FANCD2: variants seen among roughly 807,000 people sequenced by gnomAD.
FANCD2 encodes the protein FA complementation group D2.
FANCD2 carries 131 observed loss-of-function variants against 192.3 expected under a neutral mutation model. That is an observed-to-expected ratio of 0.68 (90% CI 0.59 to 0.79). The LOEUF is 0.79. Among genes scored for constraint, FANCD2 ranks in the 30% least tolerant of loss-of-function variants. FANCD2 has a pLI of 0.00. For synonymous variants in FANCD2, 524 were observed against 612.5 expected (o/e 0.86, Z 2.13); for missense variants, 1,508 against 1,701.6 (o/e 0.89, Z 2.00).
intron 2 of FANCD2, chr3:10,032,368 C>A: frequency 2.8e-6 from 1 of 351,204 alleles, no homozygotes; most frequent in Non-Finnish European, 5.5e-6. Flanking sequence ...ATAGCCTCAA[C>A]CTCCTGGGCT....
At chr3:10,046,274 C>T (rs1173743994) in intron 14 of FANCD2, among the ~76,000 whole-genome samples, 1 of 150,884 alleles carries the variant, frequency 6.6e-6, no homozygotes, top group East Asian at 2.0e-4. Context: ...AGGATGGTCT[C>T]GATCTCCTGA....
intron 17 of FANCD2, among the ~76,000 whole-genome samples, chr3:10,051,328 C>T (rs1264689448): frequency 1.5e-5 from 2 of 136,878 alleles, no homozygotes; most frequent in Non-Finnish European, 3.1e-5. Flanking sequence ...TTGCAGTGAG[C>T]CGAGATCCCG....
chr3:10,034,409 T>G, intron 3 of FANCD2, 60 bp from the exon 4 acceptor site: 1 of 1,220,660 alleles, frequency 8.2e-7, no homozygotes, highest in Non-Finnish European at 1.2e-6. Context: ...AAACTTGGGT[T>G]TTTAGAGAAG....
chr3:10,089,013 T>C, intron 36 of FANCD2, 63 bp downstream of exon 36: 1 of 1,582,284 alleles, frequency 6.3e-7, no homozygotes, highest in Non-Finnish European at 8.7e-7. Flanking sequence ...CTGGGCACGG[T>C]GGCACACACC....
At chr3:10,070,254 C>T (rs1693130637) in intron 26 of FANCD2, among the ~76,000 whole-genome samples, 1 of 145,684 alleles carries the variant, frequency 6.9e-6, no homozygotes, top group Non-Finnish European at 1.5e-5. Context: ...AGTGAGGAGT[C>T]CCTCCGCCCG....
chr3:10,099,059 T>C, intron 43 of FANCD2: 1 of 1,581,746 alleles, frequency 6.3e-7, no homozygotes, highest in Non-Finnish European at 8.6e-7. Flanking sequence ...GTTGACAATT[T>C]TCTGCATTAT....
chr3:10,042,454 A>G (rs2124990958), intron 10 of FANCD2, 105 bp from the exon 11 acceptor site: 2 of 945,196 alleles, frequency 2.1e-6, no homozygotes, highest in Non-Finnish European at 1.7e-6. Flanking sequence ...AAGTGGGAAG[A>G]TGGAGTAAGA....
At chr3:10,091,490 A>G (rs1422229404) in intron 37 of FANCD2, among the ~76,000 whole-genome samples, 2 of 151,902 alleles carry the variant, frequency 1.3e-5, no homozygotes, top group African/African-American at 4.8e-5. Flanking sequence ...AAAAAAAAGA[A>G]AAAACATATA....
chr3:10,071,125 T>TA (rs35134252), intron 26 of FANCD2, among the ~76,000 whole-genome samples: 91 of 77,880 alleles, frequency 1.2e-3, no homozygotes, highest in Middle Eastern at 0.016. Context: ...GAATGATCGA[T>TA]AAAAAAAAAA....
Position 10,093,279 on chromosome 3 carries a change from C to A in FANCD2, c.3850-6C>A. ...AGCCTTGGTTTCTTGTCTTTCACCT[C>A]TCCAGGTATTTGATAGTCATCCTGT... On this transcript the variant is annotated splice_polypyrimidine_tract_variant and splice_region_variant and intron_variant, in intron 38 of 43. Coordinates refer to ENST00000675286, the MANE Select transcript of FANCD2 (RefSeq NM_001018115.3). 2.5e-6 allele frequency: 4 copies of A among 1,612,932 alleles called. No homozygotes were observed. Among genetic ancestry groups the A allele is most frequent in the Non-Finnish European group, 3.4e-6 (4 of 1,178,888 alleles).
chr3:10,045,148 T>C (rs556032632), intron 14 of FANCD2, among the ~76,000 whole-genome samples: 8 of 150,930 alleles, frequency 5.3e-5, no homozygotes, highest in African/African-American at 2.0e-4. Flanking sequence ...CCCAATGTTT[T>C]CTCTTTTTTT....
At chr3:10,037,211 G>A (rs2086754257) in intron 7 of FANCD2, among the ~76,000 whole-genome samples, 1 of 152,086 alleles carries the variant, frequency 6.6e-6, no homozygotes, top group Non-Finnish European at 1.5e-5. Flanking sequence ...AGTTTACAAA[G>A]AAGAAATACA....
chr3:10,060,674 A>G (rs539997814), intron 19 of FANCD2, among the ~76,000 whole-genome samples: 60 of 152,344 alleles, frequency 3.9e-4, no homozygotes, highest in Non-Finnish European at 6.9e-4. Context: ...ACAAAATGGG[A>G]ACCCTGATTC....
At chr3:10,067,127 T>A (rs924206266) in intron 25 of FANCD2, 82 bp from the exon 26 acceptor site, 13 of 896,388 alleles carry the variant, frequency 1.5e-5, no homozygotes, top group African/African-American at 5.0e-5. Context: ...TTCATAGACA[T>A]CTCTCAGCTC....
intron 3 of FANCD2, 101 bp from the exon 4 acceptor site, chr3:10,034,368 G>T: frequency 2.2e-5 from 15 of 696,524 alleles, no homozygotes; most frequent in Non-Finnish European, 3.4e-5. Flanking sequence ...AAATTAGGTT[G>T]AAAATATTTT....
intron 28 of FANCD2, among the ~76,000 whole-genome samples, chr3:10,073,753 C>T (rs1693382083): frequency 6.6e-6 from 1 of 152,098 alleles, no homozygotes; most frequent in Admixed American, 6.6e-5. Context: ...TGTTGATCAG[C>T]CACCATTTAT....
At position 10,046,548 on chromosome 3, in the gene FANCD2, T is replaced by C. The variant is rs753982841; in HGVS notation, c.1135-32T>C. ...AGCAAATGTACTGATTTGTTAACTG[T>C]TTTTCTGTTGTTGCATATTTATTGA... On this transcript the variant is annotated intron_variant, in intron 14 of 43. Transcript: ENST00000675286. 3.1e-6 allele frequency: 5 copies of C among 1,613,692 alleles called. No individual in the cohort carries two copies. In the Admixed American group the frequency reaches 6.7e-5, roughly 22 times the overall value.
At chr3:10,045,977 ATCTT>A (rs2086994542) in intron 14 of FANCD2, among the ~76,000 whole-genome samples, 1 of 151,570 alleles carries the variant, frequency 6.6e-6, no homozygotes, top group Admixed American at 6.6e-5. Context: ...AAGTGATTGA[ATCTT>A]TCTTTTAATA....
At chr3:10,040,707 ATTT>A (rs762172462) in intron 9 of FANCD2, 4 of 364,136 alleles carry the variant, frequency 1.1e-5, no homozygotes, top group East Asian at 7.7e-5. Flanking sequence ...TACTAGAAGT[ATTT>A]TTTTTAAATT....
Sources: gnomAD v4.1 joint callset for allele counts (sites outside exome capture counted in the v4.1 genomes callset) on GRCh38, gnomAD v4.1.1 for gene constraint, MANE v1.5 for transcripts, NCBI Gene and HGNC (gene_info 2026-07-23, HGNC 2026-07-21) for gene names.